CNTNAP2: variants seen among roughly 807,000 people sequenced by gnomAD.
CNTNAP2 encodes the protein contactin-associated protein-like 2.
In CNTNAP2, 98 loss-of-function variants were observed where a neutral mutation model predicts 155.2. The ratio of observed to expected loss-of-function variants is 0.63; its 90% CI spans 0.54 to 0.75. The LOEUF (loss-of-function observed/expected upper bound fraction) is 0.75, where lower values mean the gene tolerates loss of function less well. Ranked by LOEUF, CNTNAP2 falls within the 30% of genes least tolerant of loss-of-function variation. The pLI is 0.00. For synonymous variants in CNTNAP2, 651 were observed against 631.2 expected, an observed-to-expected ratio of 1.03 and a Z score of -0.47; for missense variants, 1,727 against 1,688.1, an observed-to-expected ratio of 1.02 and a Z score of -0.40.
rs138661307 is a variant in CNTNAP2 at position 148,415,482 on chromosome 7, C to T, written c.3862C>T (p.Arg1288Cys). The T allele has an allele frequency of 4.4e-5, 71 of 1,614,084 alleles. No homozygotes were observed. Among genetic ancestry groups the T allele is most frequent in the Admixed American group, 2.0e-4 (12 of 60,016 alleles). The change falls in exon 24 of 24, where the codon CGC becomes TGC. Residue 1288 changes from arginine to cysteine, a missense_variant. Coordinates refer to ENST00000361727, the MANE Select transcript of CNTNAP2 (RefSeq NM_014141.6). ...TLVFLIRYMF[R>C]HKGTYHTNEA... ...GGTCTTCCTGATCCGGTACATGTTC[C>T]GCCACAAGGGCACCTACCATACCAA... is the stretch of plus-strand genomic sequence containing the variant.
intron 23 of CNTNAP2, among the ~76,000 whole-genome samples, chr7:148,413,875 C>A (rs1799912685): frequency 6.6e-6 from 1 of 151,986 alleles, no homozygotes; most frequent in Non-Finnish European, 1.5e-5. Flanking sequence ...CGTAGCTATT[C>A]CAGCTTATGA....
At chr7:148,099,977 A>G (rs1804062563) in intron 15 of CNTNAP2, among the ~76,000 whole-genome samples, 1 of 147,988 alleles carries the variant, frequency 6.8e-6, no homozygotes, top group African/African-American at 2.5e-5. Flanking sequence ...GGTTTAAGCA[A>G]TTCTCTGCCT....
intron 1 of CNTNAP2, among the ~76,000 whole-genome samples, chr7:146,307,193 A>G (rs1800728672): frequency 1.3e-5 from 2 of 152,044 alleles, no homozygotes; most frequent in East Asian, 1.9e-4. Flanking sequence ...TAACAGACAA[A>G]CAGAGAGCCA....
chr7:147,819,983 CTT>C (rs1798337184), intron 13 of CNTNAP2, among the ~76,000 whole-genome samples: 2 of 152,072 alleles, frequency 1.3e-5, no homozygotes, highest in South Asian at 4.2e-4. Context: ...TTGTATAAAT[CTT>C]TTTATAGATC....
chr7:147,579,877 C>T (rs1453581325), intron 12 of CNTNAP2, among the ~76,000 whole-genome samples: 1 of 152,108 alleles, frequency 6.6e-6, no homozygotes, highest in African/African-American at 2.4e-5. Context: ...TTAACTAAAT[C>T]CTTGTACCTA....
intron 1 of CNTNAP2, 41 bp from the exon 2 acceptor site, chr7:146,774,230 G>C (rs112724037): frequency 7.0e-7 from 1 of 1,427,004 alleles, no homozygotes; most frequent in Non-Finnish European, 9.9e-7. Context: ...TTTCGAAATC[G>C]TTGTTGAGTG....
intron 5 of CNTNAP2, 43 bp from the exon 6 acceptor site, chr7:147,120,936 A>G (rs189746174): frequency 6.3e-7 from 1 of 1,587,972 alleles, no homozygotes; most frequent in East Asian, 2.2e-5. Flanking sequence ...AGAGTTGGCC[A>G]TAGCATCATT....
chr7:146,333,380 T>C (rs1011144064), intron 1 of CNTNAP2, among the ~76,000 whole-genome samples: 1 of 152,198 alleles, frequency 6.6e-6, no homozygotes, highest in African/African-American at 2.4e-5. Flanking sequence ...AAATGTTTTG[T>C]TGACCTAAAC....
rs368677388 is a variant in CNTNAP2, at chr7:148,000,163, C to T, written c.2383+22174C>T. The stretch of plus-strand genomic sequence containing the variant: ...AAAGGGAAGGTACTTCAGTCTGATG[C>T]GGAGTCAGTGAGGACACCCACCGCT... On this transcript the variant is annotated intron_variant, in intron 15 of 23. Transcript: ENST00000361727. 5.3e-5 allele frequency among the ~76,000 whole-genome samples: 8 copies of T among 152,224 alleles called. No homozygotes were observed. The South Asian group carries it at 1.5e-3, about 28-fold the overall frequency.
intron 14 of CNTNAP2, among the ~76,000 whole-genome samples, chr7:147,963,585 T>A (rs569039227): frequency 6.6e-6 from 1 of 152,132 alleles, no homozygotes; most frequent in Non-Finnish European, 1.5e-5. Flanking sequence ...ATGGTTTATG[T>A]GGCTAGGAGG....
intron 1 of CNTNAP2, among the ~76,000 whole-genome samples, chr7:146,235,980 G>A (rs903573368): frequency 9.9e-5 from 15 of 150,774 alleles, no homozygotes; most frequent in South Asian, 4.2e-4. Context: ...GTGTGTGTGT[G>A]CGCGCGTATT....
intron 3 of CNTNAP2, among the ~76,000 whole-genome samples, chr7:147,036,927 T>G (rs965654296): frequency 2.4e-4 from 37 of 152,318 alleles, no homozygotes; most frequent in Middle Eastern, 3.4e-3. Context: ...AAATGCTCCT[T>G]TTCAAGACCT....
intron 10 of CNTNAP2, among the ~76,000 whole-genome samples, chr7:147,464,168 G>A (rs1246512061): frequency 7.2e-5 from 11 of 151,854 alleles, no homozygotes; most frequent in Admixed American, 7.2e-4. Flanking sequence ...ACAATTCTGT[G>A]GCATTAAAAA....
intron 18 of CNTNAP2, among the ~76,000 whole-genome samples, chr7:148,176,211 C>CTTTTTTTTTT (rs1188113801): frequency 6.5e-5 from 6 of 92,792 alleles, no homozygotes; most frequent in Non-Finnish European, 1.2e-4. Flanking sequence ...CTTTCTTTCT[C>CTTTTTTTTTT]TTTTTTTTTT....
chr7:147,874,420 G>A (rs1396749666), intron 13 of CNTNAP2, among the ~76,000 whole-genome samples: 1 of 152,248 alleles, frequency 6.6e-6, no homozygotes, highest in Non-Finnish European at 1.5e-5. Context: ...CCATGTGGAA[G>A]CTGCCAAAGC....
At chr7:148,352,439 C>T (rs150656970) in intron 21 of CNTNAP2, among the ~76,000 whole-genome samples, 2 of 152,306 alleles carry the variant, frequency 1.3e-5, no homozygotes, top group East Asian at 3.9e-4. Context: ...ACAGCCTTTG[C>T]GTGGACAACT....
intron 21 of CNTNAP2, among the ~76,000 whole-genome samples, chr7:148,319,957 T>G (rs1797760978): frequency 6.6e-6 from 1 of 152,158 alleles, no homozygotes; most frequent in Non-Finnish European, 1.5e-5. Context: ...AAAAGCTGTC[T>G]TCTGCAAGAC....
rs117846944 is a variant in CNTNAP2 at position 148,286,692 on chromosome 7, A to G, written c.3475+19566A>G. 5.5e-4 allele frequency among the ~76,000 whole-genome samples: 84 copies of G among 152,346 alleles called. No individual in the cohort carries two copies. In the East Asian group the frequency reaches 0.01, roughly 19 times the overall value. On this transcript the variant is annotated intron_variant, in intron 21 of 23. Coordinates refer to ENST00000361727, the MANE Select transcript of CNTNAP2 (RefSeq NM_014141.6). Reference sequence around the variant, plus strand: ...ATGATAATACAAAGGAAGTCACATTATTAATTAAACAAAGTGACTTAGCCT... The same window carrying G: ...ATGATAATACAAAGGAAGTCACATTGTTAATTAAACAAAGTGACTTAGCCT...
chr7:147,411,564 T>C (rs1255898582), intron 10 of CNTNAP2, among the ~76,000 whole-genome samples: 1 of 152,178 alleles, frequency 6.6e-6, no homozygotes, highest in African/African-American at 2.4e-5. Flanking sequence ...AACATTCTGC[T>C]CCAGTTTCCT....
Sources: allele counts gnomAD v4.1 joint callset (sites outside exome capture counted in the v4.1 genomes callset), GRCh38; gene constraint gnomAD v4.1.1; transcripts MANE v1.5; gene names NCBI Gene and HGNC (gene_info 2026-07-23, HGNC 2026-07-21).